CALML6: variants seen among roughly 807,000 people sequenced by gnomAD.
CALML6 encodes calmodulin like 6, also known as calmodulin-like protein 6.
CALML6 carries 27 observed loss-of-function variants against 25.0 expected under a neutral mutation model. The ratio of observed to expected loss-of-function variants is 1.08; its 90% CI spans 0.80 to 1.49. The LOEUF (loss-of-function observed/expected upper bound fraction) is 1.49, where lower values mean the gene tolerates loss of function less well. Among genes scored for constraint, CALML6 ranks in the 40% most tolerant of loss-of-function variants. CALML6 has a pLI of 0.00. For synonymous variants in CALML6, 97 were observed against 87.2 expected (o/e 1.11, Z -0.63); for missense variants, 239 against 232.7 (o/e 1.03, Z -0.18).
chr1:1,916,915 GCGGGTGGTGGGC>G lies in CALML6; in HGVS notation c.398+20_398+31del. On this transcript the variant is annotated intron_variant, in intron 4 of 5. Coordinates refer to ENST00000307786, the MANE Select transcript of CALML6 (RefSeq NM_138705.4). Reference sequence around the variant, plus strand: ...CACTCAAGTAGGGCCCGGGTTGGGGGCGGGTGGTGGGCGGGCACGGGCAGGGCCGATGGAGTG... The same window carrying G: ...CACTCAAGTAGGGCCCGGGTTGGGGGGGGCACGGGCAGGGCCGATGGAGTG... 6.2e-7 allele frequency: 1 copy of G among 1,603,884 alleles called. No individual in the cohort carries two copies.
In CALML6 at chr1:1,915,701, A is replaced by C. The variant is rs768721464; in HGVS notation, c.44A>C (p.His15Pro). The C allele has an allele frequency of 2.3e-5, 37 of 1,613,362 alleles. No homozygotes were observed. In the East Asian group the frequency reaches 6.0e-4, roughly 26 times the overall value. ...TGCCCACAGCAGCCCTGGTGTCACC[A>C]CCCTGCAGAATCCTGTCAGACAACC... ...QEISLQPWCH[H>P]PAESCQTTTD... is the part of the protein sequence containing the mutation. The change falls in exon 2 of 6, where the codon CAC becomes CCC. Residue 15 changes from histidine (H) to proline (P), a missense_variant. Physicochemically the swap from His to Pro is moderately conservative, Grantham distance 77. Transcript: ENST00000307786.
chr1:1,916,953 G>A (rs776669864), intron 4 of CALML6, 21 bp from the exon 5 acceptor site: 1 of 1,611,288 alleles, frequency 6.2e-7, no homozygotes. Context: ...CGATGGAGTG[G>A]CTCAGCGCCA....
rs769445344 is a variant in CALML6, at chr1:1,916,602, T to C, written c.240T>C (p.Asp80=). 1.8e-5 allele frequency: 29 copies of C among 1,604,230 alleles called. No individual in the cohort carries two copies. The highest frequency in any genetic ancestry group is 5.1e-5 in the Admixed American group (3 of 59,238). The part of the protein sequence containing the change: ...TKSELASMAK[D]VDRDNKGFFN... ...GTGAGCTGGCCTCAATGGCCAAGGATGTGGACAGAGACAGTGAGCTCATGG... is the reference window on the plus strand; with the variant it reads ...GTGAGCTGGCCTCAATGGCCAAGGACGTGGACAGAGACAGTGAGCTCATGG... The change falls in exon 3 of 6, where the codon GAT becomes GAC. Residue 80 remains aspartate (D), a synonymous_variant. Transcript: ENST00000307786.
Position 1,916,505 on chromosome 1 carries a change from A to C in CALML6, c.143A>C (p.Glu48Ala), listed in dbSNP as rs748174003. The C allele has an allele frequency of 6.2e-7, 1 of 1,600,514 alleles. No homozygotes were observed. Among genetic ancestry groups the C allele is most frequent in the Non-Finnish European group, 8.5e-7 (1 of 1,173,664 alleles). The change falls in exon 3 of 6, where the codon GAG becomes GCG. Residue 48 changes from glutamate (E) to alanine (A), a missense_variant. Glu to Ala is a moderately radical substitution (Grantham distance 107, BLOSUM62 -1). Around this residue, in one of 2 missense-constraint regions of CALML6, gnomAD observed 231 missense variants for 210.9 expected, o/e 1.10. Coordinates refer to ENST00000307786, the MANE Select transcript of CALML6 (RefSeq NM_138705.4). ...YKGVFEMFDE[E>A]GNGEVKTGEL... ...GGAGTCTTTGAGATGTTCGACGAAGAGGGCAACGGGGAGGTGAAGACGGGG... is the reference window on the plus strand; with the variant it reads ...GGAGTCTTTGAGATGTTCGACGAAGCGGGCAACGGGGAGGTGAAGACGGGG...
rs375029035 is a variant in CALML6 at position 1,917,047 on chromosome 1, G to A, written c.472G>A (p.Asp158Asn). ...GCAGATGATGAAGGAGGCCGACAAG[G>A]ATGGGGACAGGACCATCGACTATGA... ...AEQMMKEADK[D>N]GDRTIDYEEF... is the part of the protein sequence containing the mutation. Residue 158 changes from aspartate to asparagine, a missense_variant, in exon 5 of 6, where the codon GAT becomes AAT. Coordinates refer to ENST00000307786, the MANE Select transcript of CALML6 (RefSeq NM_138705.4). 25 of 1,610,450 alleles carry A rather than the reference G, an allele frequency of 1.6e-5. No homozygotes were observed. The highest frequency in any genetic ancestry group is 2.2e-5 in the East Asian group (1 of 44,780).
intron 2 of CALML6, 115 bp downstream of exon 2, chr1:1,915,850 A>G: frequency 9.6e-7 from 1 of 1,046,302 alleles, no homozygotes; most frequent in Admixed American, 2.0e-5. Flanking sequence ...GGGCTGAGGT[A>G]GAAGAGGGGG....
chr1:1,915,427 G>A (rs1651075914), intron 1 of CALML6, 120 bp downstream of exon 1: 1 of 1,497,100 alleles, frequency 6.7e-7, no homozygotes, highest in Non-Finnish European at 9.0e-7. Context: ...AACAGCGTGT[G>A]TGAGGGTCCC....
At position 1,916,751 on chromosome 1, in the gene CALML6, G is replaced by A. The variant is rs758437010; in HGVS notation, c.254-1G>A. ...TTGAGCCCCAGCTGTGCCCCTTGCA[G>A]ACAAAGGGTTCTTCAACTGCGATGG... On this transcript the variant is annotated splice_acceptor_variant, in intron 3 of 5. Transcript: ENST00000307786. LOFTEE classifies it high-confidence loss of function. 20 of 1,613,530 alleles carry A rather than the reference G, an allele frequency of 1.2e-5. No homozygotes were observed. Among genetic ancestry groups the A allele is most frequent in the Non-Finnish European group, 1.4e-5 (17 of 1,180,014 alleles).
chr1:1,915,434 T>G, intron 1 of CALML6, 127 bp downstream of exon 1: 1 of 1,477,152 alleles, frequency 6.8e-7, no homozygotes, highest in Non-Finnish European at 9.1e-7. Context: ...TGTGTGAGGG[T>G]CCCGCCATGT....
rs770036839 is a variant in CALML6 at position 1,916,875 on chromosome 1, A to G, written c.377A>G (p.Tyr126Cys). Residue 126 changes from tyrosine (Y) to cysteine (C), a missense_variant, in exon 4 of 6, where the codon TAC (tyrosine) becomes TGC (cysteine). Physicochemically the swap from Tyr to Cys is radical, Grantham distance 194. Around this residue, in one of 2 missense-constraint regions of CALML6, gnomAD observed 231 missense variants for 210.9 expected, o/e 1.10. Coordinates refer to ENST00000307786, the MANE Select transcript of CALML6 (RefSeq NM_138705.4). ...FRVFDKEGKG[Y>C]IDWNTLKYVL... ...GTCTTTGACAAAGAGGGCAAGGGCT[A>G]CATTGACTGGAACACACTCAAGTAG... The G allele has an allele frequency of 6.9e-6, 11 of 1,595,920 alleles. No homozygotes were observed. The highest frequency in any genetic ancestry group is 2.2e-5 in the South Asian group (2 of 90,678).
At position 1,916,820 on chromosome 1, in the gene CALML6, C is replaced by T. The variant is rs977617115; in HGVS notation, c.322C>T (p.Gln108Ter). 6.2e-7 allele frequency: 1 copy of T among 1,611,906 alleles called. No homozygotes were observed. The highest frequency in any genetic ancestry group is 1.3e-5 in the African/African-American group (1 of 74,396). The change falls in exon 4 of 6, where the codon CAG (glutamine) becomes TAG (stop). Residue 108 changes from glutamine (Q) to a stop codon, truncating the protein, a stop_gained. Transcript: ENST00000307786. LOFTEE classifies it high-confidence loss of function. ...MGVYHEKAQN[Q>*]ESELRAAFRV... is the part of the protein sequence containing the mutation. The stretch of plus-strand genomic sequence containing the variant: ...AGTTTACCATGAGAAGGCCCAGAAC[C>T]AGGAGAGCGAGCTGAGGGCGGCATT...
At chr1:1,916,242 A>G (rs910071589) in intron 2 of CALML6, 199 bp from the exon 3 acceptor site, 33 of 522,894 alleles carry the variant, frequency 6.3e-5, no homozygotes, top group Non-Finnish European at 9.7e-5. Context: ...GCTGCCTGGC[A>G]GAGCCCTGCT....
In CALML6 at chr1:1,917,046, G is replaced by GTC. The variant is rs1461265207; in HGVS notation, c.471_472insTC (p.Asp158SerfsTer15). On this transcript the variant is annotated frameshift_variant, in exon 5 of 6. Coordinates refer to ENST00000307786, the MANE Select transcript of CALML6 (RefSeq NM_138705.4). LOFTEE classifies it low-confidence loss of function (END_TRUNC). Reference sequence around the variant, plus strand: ...AGCAGATGATGAAGGAGGCCGACAAGGATGGGGACAGGACCATCGACTATG... The same window carrying GTC: ...AGCAGATGATGAAGGAGGCCGACAAGTCGATGGGGACAGGACCATCGACTATG... 6.2e-7 allele frequency: 1 copy of GTC among 1,610,414 alleles called. No homozygotes were observed. The highest frequency in any genetic ancestry group is 8.5e-7 in the Non-Finnish European group (1 of 1,178,066).
At position 1,917,144 on chromosome 1, in the gene CALML6, CAG is replaced by C. The variant is rs750126304; in HGVS notation, c.500_501del. 1.2e-6 allele frequency: 2 copies of C among 1,608,698 alleles called. No individual in the cohort carries two copies. The highest frequency in any genetic ancestry group is 4.5e-5 in the East Asian group (2 of 44,680). ...AGCTGCTGACCTGCCCCTCTGTTCC[CAG>C]AGTTTGTGGCCATGATGACGGGGGA... is the stretch of plus-strand genomic sequence containing the variant. On this transcript the variant is annotated splice_acceptor_variant, in intron 5 of 5. Transcript: ENST00000307786. LOFTEE classifies it high-confidence loss of function.
chr1:1,916,112 A>T, intron 2 of CALML6: 1 of 410,452 alleles, frequency 2.4e-6, no homozygotes, highest in Non-Finnish European at 4.5e-6. Context: ...GGCTTCCTTC[A>T]CCTGCCTCAC....
Position 1,916,550 on chromosome 1 carries a change from G to A in CALML6, c.188G>A (p.Ser63Asn), listed in dbSNP as rs1651122319. The A allele has an allele frequency of 6.2e-7, 1 of 1,612,408 alleles. No individual in the cohort carries two copies. Among genetic ancestry groups the A allele is most frequent in the Admixed American group, 1.7e-5 (1 of 59,746 alleles). The change falls in exon 3 of 6, where the codon AGC becomes AAC. Residue 63 changes from serine to asparagine, a missense_variant. Around this residue, in one of 2 missense-constraint regions of CALML6, gnomAD observed 231 missense variants for 210.9 expected, o/e 1.10. Transcript: ENST00000307786. ...VKTGELEWLM[S>N]LLGINPTKSE... Reference sequence around the variant, plus strand: ...ACGGGGGAGCTGGAGTGGCTCATGAGCCTGCTGGGTATCAACCCCACCAAG... The same window carrying A: ...ACGGGGGAGCTGGAGTGGCTCATGAACCTGCTGGGTATCAACCCCACCAAG...
chr1:1,916,979 T>C lies in CALML6; in HGVS notation c.404T>C (p.Val135Ala). The part of the protein sequence containing the change: ...GYIDWNTLKY[V>A]LMNAGEPLNE... ...CTCAGCGCCAGGCCCCGTAGGTACG[T>C]GCTAATGAACGCAGGGGAGCCCCTC... Residue 135 changes from valine to alanine, a missense_variant, in exon 5 of 6, where the codon GTG becomes GCG. Around this residue, in one of 2 missense-constraint regions of CALML6, gnomAD observed 231 missense variants for 210.9 expected, o/e 1.10. Coordinates refer to ENST00000307786, the MANE Select transcript of CALML6 (RefSeq NM_138705.4). 1 of 1,610,700 alleles carries C rather than the reference T, an allele frequency of 6.2e-7. No homozygotes were observed. The highest frequency in any genetic ancestry group is 1.1e-5 in the South Asian group (1 of 90,938).
rs924881731 is a variant in CALML6 at position 1,916,621 on chromosome 1, C to T, written c.253+6C>T. The stretch of plus-strand genomic sequence containing the variant: ...CAAGGATGTGGACAGAGACAGTGAG[C>T]TCATGGCTGGAGTGGGGTGGGCAGC... On this transcript the variant is annotated splice_donor_region_variant and intron_variant, in intron 3 of 5. Coordinates refer to ENST00000307786, the MANE Select transcript of CALML6 (RefSeq NM_138705.4). 8 of 1,602,498 alleles carry T rather than the reference C, an allele frequency of 5.0e-6. No individual in the cohort carries two copies. In the African/African-American group the frequency reaches 1.1e-4, roughly 22 times the overall value.
Position 1,916,408 on chromosome 1 carries a change from T to C in CALML6, c.79-33T>C, listed in dbSNP as rs781501434. On this transcript the variant is annotated intron_variant, in intron 2 of 5. Coordinates refer to ENST00000307786, the MANE Select transcript of CALML6 (RefSeq NM_138705.4). The stretch of plus-strand genomic sequence containing the variant: ...CCCTGGACACAGGGGCAGAAGGGGC[T>C]CCTGGTCAGGCCGGTGCGGGTGTCC... 4 of 1,483,876 alleles carry C rather than the reference T, an allele frequency of 2.7e-6. No individual in the cohort carries two copies. In the South Asian group the frequency reaches 5.4e-5, roughly 20 times the overall value. The allele number at this position is 1,483,876 out of a possible 1,614,324, so 91.9% of individuals were successfully genotyped here. A position where few individuals can be genotyped will look rare whatever the true frequency, so the allele number is the denominator to read the frequency against.
Sources: allele counts gnomAD v4.1 joint callset, GRCh38; gene constraint gnomAD v4.1.1; regional missense constraint gnomAD v4.1.1; transcripts MANE v1.5; gene names NCBI Gene and HGNC (gene_info 2026-07-23, HGNC 2026-07-21).